The following HELZ variants were observed in gnomAD, a reference collection of about 807,000 sequenced individuals.
HELZ encodes helicase with zinc finger.
In HELZ, 23 loss-of-function variants were observed where a neutral mutation model predicts 218.2. That is an observed-to-expected ratio of 0.11 (90% CI 0.08 to 0.15). The LOEUF is 0.15. Among genes scored for constraint, HELZ ranks in the 10% least tolerant of loss-of-function variants. The pLI is 1.00. For missense variants in HELZ, 1,813 were observed against 2,353.7 expected, an observed-to-expected ratio of 0.77 and a Z score of 4.75; for synonymous variants, 814 against 829.4, an observed-to-expected ratio of 0.98 and a Z score of 0.32.
chr17:67,159,059 CTT>C (rs2038925302), intron 17 of HELZ, among the ~76,000 whole-genome samples: 1 of 152,146 alleles, frequency 6.6e-6, no homozygotes, highest in Non-Finnish European at 1.5e-5. Flanking sequence ...AACAAAACAA[CTT>C]ATATCATTAA....
chr17:67,232,932 G>A (rs779134576), intron 3 of HELZ, among the ~76,000 whole-genome samples: 6 of 152,174 alleles, frequency 3.9e-5, no homozygotes, highest in South Asian at 2.1e-4. Context: ...TCAGGAGTTC[G>A]AGATCAGACT....
chr17:67,101,190 T>C (rs1350727996), intron 31 of HELZ, among the ~76,000 whole-genome samples: 1 of 151,380 alleles, frequency 6.6e-6, no homozygotes, highest in East Asian at 1.9e-4. Flanking sequence ...AAATGAGAAG[T>C]ATTTGTAAAG....
chr17:67,182,451 AACAG>A (rs751725055), intron 12 of HELZ, among the ~76,000 whole-genome samples: 9 of 152,178 alleles, frequency 5.9e-5, no homozygotes, highest in Non-Finnish European at 1.3e-4. Context: ...TATCAAAAAA[AACAG>A]AAAGATGAGA....
chr17:67,232,830 T>A (rs2093677807), intron 3 of HELZ, among the ~76,000 whole-genome samples: 1 of 152,168 alleles, frequency 6.6e-6, no homozygotes, highest in Non-Finnish European at 1.5e-5. Context: ...AAAAAACTTT[T>A]AATTAAAAAA....
intron 14 of HELZ, 91 bp from the exon 15 acceptor site, chr17:67,166,699 G>C: frequency 9.4e-7 from 1 of 1,063,726 alleles, no homozygotes; most frequent in Non-Finnish European, 1.4e-6. Context: ...AATCTGTTTG[G>C]GACAGTAAGT....
In HELZ at chr17:67,135,964, A is replaced by G; in HGVS notation, c.3182+6T>C. ...CTTTAATGTCTCAACATTAACACAT[A>G]ATTACCTGCATCTTCCAATAGAGCA... On this transcript the variant is annotated splice_donor_region_variant and intron_variant, in intron 23 of 32. Transcript: ENST00000358691. 8 of 1,603,440 alleles carry G rather than the reference A, an allele frequency of 5.0e-6. No homozygotes were observed. The highest frequency in any genetic ancestry group is 6.8e-6 in the Non-Finnish European group (8 of 1,171,808).
At chr17:67,202,212 T>C (rs1379324121) in intron 6 of HELZ, among the ~76,000 whole-genome samples, 1 of 152,108 alleles carries the variant, frequency 6.6e-6, no homozygotes, top group Non-Finnish European at 1.5e-5. Context: ...AACAAATTTC[T>C]TAAGTTACGA....
intron 31 of HELZ, among the ~76,000 whole-genome samples, chr17:67,104,849 C>T (rs774548076): frequency 2.6e-5 from 4 of 152,162 alleles, no homozygotes; most frequent in Admixed American, 2.6e-4. Flanking sequence ...GGGCTGGGCG[C>T]GGTGGCTTAC....
intron 3 of HELZ, among the ~76,000 whole-genome samples, chr17:67,223,023 G>GACA (rs1355500513): frequency 2.0e-5 from 3 of 148,484 alleles, no homozygotes; most frequent in East Asian, 2.0e-4. Context: ...CGAGGCGAGT[G>GACA]GATCATGAGG....
intron 16 of HELZ, 27 bp downstream of exon 16, chr17:67,160,870 A>C: frequency 2.0e-6 from 3 of 1,532,530 alleles, no homozygotes; most frequent in Non-Finnish European, 2.7e-6. Context: ...TACCAGGGAA[A>C]TATGAGCACG....
At chr17:67,080,789 T>A (rs1326118043) in intron 32 of HELZ, among the ~76,000 whole-genome samples, 1 of 152,120 alleles carries the variant, frequency 6.6e-6, no homozygotes, top group Non-Finnish European at 1.5e-5. Flanking sequence ...CAGGAGGGAA[T>A]CTACATAGAG....
Position 67,178,762 on chromosome 17 carries a change from T to C in HELZ, c.1327A>G (p.Thr443Ala). The C allele has an allele frequency of 6.2e-7, 1 of 1,613,848 alleles. No homozygotes were observed. The highest frequency in any genetic ancestry group is 8.5e-7 in the Non-Finnish European group (1 of 1,179,896). ...QIPLSADQLF[T>A]QSVLDKSLTK... ...AATGATTTGTCTAAAACGGACTGAG[T>C]AAATAGCTGGTCAGCAGAGAGGGGA... is the stretch of plus-strand genomic sequence containing the variant. The change falls in exon 13 of 33, where the codon ACT becomes GCT. Residue 443 changes from threonine (T) to alanine (A), a missense_variant. Coordinates refer to ENST00000358691, the MANE Select transcript of HELZ (RefSeq NM_014877.4).
chr17:67,172,487 C>A (rs2039341363), intron 13 of HELZ, among the ~76,000 whole-genome samples: 1 of 93,586 alleles, frequency 1.1e-5, no homozygotes, highest in South Asian at 4.9e-4. Context: ...TTCTAATAAT[C>A]TGATTTTTCC....
chr17:67,121,371 T>C (rs2037604013), intron 26 of HELZ, among the ~76,000 whole-genome samples: 1 of 152,244 alleles, frequency 6.6e-6, no homozygotes, highest in South Asian at 2.1e-4. Context: ...AGGGACTTAC[T>C]ATTTAAAGCA....
chr17:67,123,139 A>T lies in HELZ; in HGVS notation c.3461T>A (p.Leu1154His). 1 of 1,612,990 alleles carries T rather than the reference A, an allele frequency of 6.2e-7. No individual in the cohort carries two copies. Among genetic ancestry groups the T allele is most frequent in the Non-Finnish European group, 8.5e-7 (1 of 1,179,130 alleles). Residue 1154 changes from leucine (L) to histidine (H), a missense_variant, in exon 26 of 33, where the codon CTT becomes CAT. Leu to His is a moderately conservative substitution (Grantham distance 99). Around this residue, in one of 4 missense-constraint regions of HELZ, gnomAD observed 938 missense variants for 1,027.5 expected, o/e 0.91. Coordinates refer to ENST00000358691, the MANE Select transcript of HELZ (RefSeq NM_014877.4). Reference sequence around the variant, plus strand: ...ATATGCTCTAATAGGATTGCCAATAAGTACAGAAGGATTGGGCTGAACTGA... The same window carrying T: ...ATATGCTCTAATAGGATTGCCAATATGTACAGAAGGATTGGGCTGAACTGA... ...DGIVQPNPSV[L>H]IGNPIRAYTP... is the part of the protein sequence containing the mutation.
intron 12 of HELZ, among the ~76,000 whole-genome samples, chr17:67,182,880 T>C (rs1210803400): frequency 6.6e-6 from 1 of 152,156 alleles, no homozygotes; most frequent in East Asian, 1.9e-4. Flanking sequence ...TTGAAGTATA[T>C]AGTATAGCAG....
chr17:67,217,839 A>C (rs1023147135), intron 4 of HELZ, among the ~76,000 whole-genome samples: 8 of 150,742 alleles, frequency 5.3e-5, no homozygotes, highest in East Asian at 1.9e-4. Flanking sequence ...CAATATTCCC[A>C]ATCTCCCCTG....
intron 32 of HELZ, 138 bp from the exon 33 acceptor site, chr17:67,078,724 G>T: frequency 2.1e-6 from 1 of 482,556 alleles, no homozygotes; most frequent in Non-Finnish European, 3.5e-6. Context: ...GACACCTTCT[G>T]CCATAGAATG....
chr17:67,212,834 CTT>C lies in HELZ; in HGVS notation c.247+3063_247+3064del, dbSNP rs781457542. Among the ~76,000 whole-genome samples, 5 of 152,250 alleles carry C rather than the reference CTT, an allele frequency of 3.3e-5. No individual in the cohort carries two copies. The South Asian group carries it at 6.2e-4, about 19-fold the overall frequency. ...TTTTTTCTCTCTTTTGGATTACTGA[CTT>C]AGGATAGTATCCCAGAAATGAGATT... is the stretch of plus-strand genomic sequence containing the variant. On this transcript the variant is annotated intron_variant, in intron 5 of 32. Transcript: ENST00000358691.
Sources: allele counts gnomAD v4.1 joint callset (sites outside exome capture counted in the v4.1 genomes callset), GRCh38; gene constraint gnomAD v4.1.1; regional missense constraint gnomAD v4.1.1; transcripts MANE v1.5; gene names NCBI Gene and HGNC (gene_info 2026-07-23, HGNC 2026-07-21).